The following SLC24A2 variants were observed in gnomAD, a reference collection of about 807,000 sequenced individuals.
SLC24A2 encodes the protein solute carrier family 24 member 2.
SLC24A2 carries 36 observed loss-of-function variants against 62.0 expected under a neutral mutation model. That is an observed-to-expected ratio of 0.58 (90% CI 0.44 to 0.77). The LOEUF (loss-of-function observed/expected upper bound fraction) is 0.77, where lower values mean the gene tolerates loss of function less well. Ranked by LOEUF, SLC24A2 falls within the 30% of genes least tolerant of loss-of-function variation. The pLI, the probability that SLC24A2 is intolerant of heterozygous loss-of-function variation, is 0.00. For missense variants in SLC24A2, 846 were observed against 817.9 expected, an observed-to-expected ratio of 1.03 and a Z score of -0.42; for synonymous variants, 358 against 294.0, an observed-to-expected ratio of 1.22 and a Z score of -2.23.
the SLC24A2 span, among the ~76,000 whole-genome samples, chr9:20,107,813 A>G: frequency 6.6e-6 from 1 of 152,180 alleles, no homozygotes; most frequent in Non-Finnish European, 1.5e-5. Flanking sequence ...AAACACCAAA[A>G]GCAATGGCAA....
intron 2 of SLC24A2, among the ~76,000 whole-genome samples, chr9:19,659,614 A>G (rs1375344189): frequency 6.6e-6 from 1 of 152,172 alleles, no homozygotes; most frequent in Admixed American, 6.5e-5. Context: ...TAAAACTTAC[A>G]TAGTGCTTAT....
intron 4 of SLC24A2, among the ~76,000 whole-genome samples, chr9:19,610,087 G>C (rs1837106471): frequency 6.6e-6 from 1 of 152,126 alleles, no homozygotes; most frequent in African/African-American, 2.4e-5. Flanking sequence ...AGGTGCATTA[G>C]GTGAGAATTA....
Position 19,516,374 on chromosome 9 carries a change from C to A in SLC24A2, c.1765G>T (p.Val589Phe), listed in dbSNP as rs781570322. The change falls in exon 11 of 11, where the codon GTC becomes TTC. Residue 589 changes from valine (V) to phenylalanine (F), a missense_variant. Transcript: ENST00000341998. ...GCCACTGGCTGGAATCTGTGAATGA[C>A]GGTGTACAGGAGCCAGGGCAGTGGG... is the stretch of plus-strand genomic sequence containing the variant. The part of the protein sequence containing the change: ...GLPLPWLLYT[V>F]IHRFQPVAVS... The A allele has an allele frequency of 1.2e-6, 2 of 1,613,954 alleles. No homozygotes were observed. The highest frequency in any genetic ancestry group is 4.5e-5 in the East Asian group (2 of 44,856).
At chr9:20,148,156 T>C in the SLC24A2 span, among the ~76,000 whole-genome samples, 2 of 152,066 alleles carry the variant, frequency 1.3e-5, no homozygotes, top group African/African-American at 4.8e-5. Flanking sequence ...TGTGCATTTT[T>C]ACATCGATTT....
chr9:20,073,635 G>T, the SLC24A2 span, among the ~76,000 whole-genome samples: 8 of 151,810 alleles, frequency 5.3e-5, no homozygotes, highest in African/African-American at 1.5e-4. Flanking sequence ...TGTTTTCAGA[G>T]ATATTAATAT....
chr9:19,700,819 T>C (rs1820334501), intron 2 of SLC24A2, among the ~76,000 whole-genome samples: 1 of 152,192 alleles, frequency 6.6e-6, no homozygotes, highest in African/African-American at 2.4e-5. Flanking sequence ...AAATTTTGTT[T>C]CCTTTAATTA....
chr9:19,824,526 G>C, the SLC24A2 span, among the ~76,000 whole-genome samples: 1 of 152,162 alleles, frequency 6.6e-6, no homozygotes, highest in Non-Finnish European at 1.5e-5. Flanking sequence ...AACAACAGAT[G>C]CTGGCAAGGC....
the SLC24A2 span, among the ~76,000 whole-genome samples, chr9:20,154,564 C>T: frequency 6.6e-6 from 1 of 151,284 alleles, no homozygotes; most frequent in Non-Finnish European, 1.5e-5. Flanking sequence ...AAACGTGTGA[C>T]TCTATAGGTA....
the SLC24A2 span, among the ~76,000 whole-genome samples, chr9:19,887,984 G>T: frequency 1.3e-5 from 2 of 152,156 alleles, no homozygotes; most frequent in South Asian, 4.1e-4. Context: ...GGACTCAGGG[G>T]AAAGTGGAGT....
At chr9:19,986,319 G>T in the SLC24A2 span, among the ~76,000 whole-genome samples, 1 of 152,130 alleles carries the variant, frequency 6.6e-6, no homozygotes, top group East Asian at 1.9e-4. Flanking sequence ...TACATTGCTG[G>T]TGGGAATAAT....
chr9:19,920,301 C>T, the SLC24A2 span, among the ~76,000 whole-genome samples: 2 of 152,278 alleles, frequency 1.3e-5, no homozygotes, highest in East Asian at 3.9e-4. Flanking sequence ...TTGGTCAATG[C>T]AGTATGGCAG....
At chr9:19,880,064 T>G in the SLC24A2 span, among the ~76,000 whole-genome samples, 1 of 152,124 alleles carries the variant, frequency 6.6e-6, no homozygotes, top group Non-Finnish European at 1.5e-5. Flanking sequence ...TCTACTTATG[T>G]TTTGATTTAT....
At chr9:19,709,451 C>T (rs1820643991) in intron 2 of SLC24A2, among the ~76,000 whole-genome samples, 1 of 152,102 alleles carries the variant, frequency 6.6e-6, no homozygotes, top group Non-Finnish European at 1.5e-5. Flanking sequence ...AAGACACATG[C>T]ACACGTATGT....
At chr9:20,264,458 A>G in the SLC24A2 span, among the ~76,000 whole-genome samples, 4 of 152,208 alleles carry the variant, frequency 2.6e-5, no homozygotes, top group East Asian at 7.7e-4. Context: ...TCTCCTTAAG[A>G]AAACATCAAG....
intron 2 of SLC24A2, among the ~76,000 whole-genome samples, chr9:19,637,923 G>A (rs959915799): frequency 1.3e-5 from 2 of 152,174 alleles, no homozygotes; most frequent in Admixed American, 6.5e-5. Flanking sequence ...TTGGGGGGTA[G>A]TTTGCTTGCT....
At chr9:20,176,990 AAC>A in the SLC24A2 span, among the ~76,000 whole-genome samples, 2 of 152,106 alleles carry the variant, frequency 1.3e-5, no homozygotes, top group African/African-American at 2.4e-5. Context: ...AATATTTATT[AAC>A]ACAGTCTTTA....
chr9:19,851,524 T>G, the SLC24A2 span, among the ~76,000 whole-genome samples: 1 of 152,124 alleles, frequency 6.6e-6, no homozygotes, highest in East Asian at 1.9e-4. Context: ...CTTCCCTCCC[T>G]GTGTCCCTGT....
the SLC24A2 span, among the ~76,000 whole-genome samples, chr9:19,968,934 T>C: frequency 3.9e-5 from 6 of 152,110 alleles, no homozygotes; most frequent in Non-Finnish European, 1.5e-5. Context: ...TTAAGTAACA[T>C]CTTAAAAGAT....
In SLC24A2 at chr9:19,619,778, C is replaced by A. The variant is rs1817865525; in HGVS notation, c.970-86G>T. Reference sequence around the variant, plus strand: ...CAAGATCCTCACCTAGTCTGGTGGCCACTCATTTCTGTCGCATGATCACAC... The same window carrying A: ...CAAGATCCTCACCTAGTCTGGTGGCAACTCATTTCTGTCGCATGATCACAC... On this transcript the variant is annotated intron_variant, in intron 3 of 10. Coordinates refer to ENST00000341998, the MANE Select transcript of SLC24A2 (RefSeq NM_020344.4). 4 of 998,686 alleles carry A rather than the reference C, an allele frequency of 4.0e-6. No homozygotes were observed. In the Admixed American group the frequency reaches 7.1e-5, roughly 18 times the overall value. The allele number at this position is 998,686 out of a possible 1,614,324, so 61.9% of individuals were successfully genotyped here. A position where few individuals can be genotyped will look rare whatever the true frequency, so the allele number is the denominator to read the frequency against.
Sources: gnomAD v4.1 joint callset for allele counts (sites outside exome capture counted in the v4.1 genomes callset) on GRCh38, gnomAD v4.1.1 for gene constraint, MANE v1.5 for transcripts, NCBI Gene and HGNC (gene_info 2026-07-23, HGNC 2026-07-21) for gene names.